The following TCEA1 variants were observed in gnomAD, a reference collection of about 807,000 sequenced individuals.
TCEA1 encodes transcription elongation factor A protein 1.
Under a neutral mutation model 43.8 loss-of-function variants are expected in TCEA1, and 21 were observed. That is an observed-to-expected ratio of 0.48 (90% CI 0.34 to 0.69). TCEA1 has a LOEUF of 0.69. TCEA1 is among the 30% of genes least tolerant of loss of function. The pLI is 0.01. For missense variants in TCEA1, 250 were observed against 365.1 expected (o/e 0.68, Z 2.57); for synonymous variants, 104 against 117.5 (o/e 0.88, Z 0.75).
chr8:53,994,434 A>G (rs769515985), intron 3 of TCEA1, among the ~76,000 whole-genome samples: 3 of 152,256 alleles, frequency 2.0e-5, no homozygotes, highest in Admixed American at 1.3e-4. Context: ...TTAAGGTGGT[A>G]TCCAAAATAT....
chr8:54,009,177 AAC>A (rs1419487662), intron 2 of TCEA1, among the ~76,000 whole-genome samples: 1 of 152,102 alleles, frequency 6.6e-6, no homozygotes, highest in Non-Finnish European at 1.5e-5. Context: ...AAAAAAAAAA[AAC>A]AGATGCTGGT....
intron 2 of TCEA1, among the ~76,000 whole-genome samples, chr8:54,001,689 T>A (rs1804268737): frequency 6.6e-6 from 1 of 152,152 alleles, no homozygotes. Flanking sequence ...AAGGAGATGA[T>A]GAATTGTGTA....
Position 54,022,213 on chromosome 8 carries a change from G to A in TCEA1, c.-88C>T, listed in dbSNP as rs1805068755. On this transcript the variant is annotated 5_prime_UTR_variant, in exon 1 of 10. Coordinates refer to ENST00000521604, the MANE Select transcript of TCEA1 (RefSeq NM_006756.4). ...GGAAGACACAGCAGGAGCGACCCCC[G>A]GCGCGCAGCAACCCCCACCACCGCA... The A allele has an allele frequency of 1.4e-6, 2 of 1,430,166 alleles. No homozygotes were observed. Among genetic ancestry groups the A allele is most frequent in the East Asian group, 2.4e-5 (1 of 41,640 alleles). The allele number at this position is 1,430,166 out of a possible 1,614,324, so 88.6% of individuals were successfully genotyped here. A position where few individuals can be genotyped will look rare whatever the true frequency, so the allele number is the denominator to read the frequency against.
intron 4 of TCEA1, among the ~76,000 whole-genome samples, chr8:53,989,163 T>C (rs973604578): frequency 1.3e-5 from 2 of 152,148 alleles, no homozygotes; most frequent in African/African-American, 4.8e-5. Context: ...TGATGAGTCA[T>C]GAGGCTACAA....
chr8:54,006,894 G>C (rs1239478367), intron 2 of TCEA1, among the ~76,000 whole-genome samples: 1 of 151,688 alleles, frequency 6.6e-6, no homozygotes, highest in Non-Finnish European at 1.5e-5. Flanking sequence ...CTGGGGTGCA[G>C]TGGCGCAATC....
intron 8 of TCEA1, chr8:53,978,707 ACAG>A: frequency 4.7e-6 from 1 of 212,288 alleles, no homozygotes; most frequent in Non-Finnish European, 9.6e-6. Context: ...ACTGTGAGAG[ACAG>A]AAAGACTACA....
chr8:54,012,452 C>G (rs1202755874), intron 1 of TCEA1, among the ~76,000 whole-genome samples: 3 of 152,142 alleles, frequency 2.0e-5, no homozygotes, highest in Non-Finnish European at 4.4e-5. Context: ...CCCAGCTACT[C>G]AGGAGACTGA....
At chr8:53,977,794 C>A (rs957568119) in intron 8 of TCEA1, among the ~76,000 whole-genome samples, 2 of 152,090 alleles carry the variant, frequency 1.3e-5, no homozygotes, top group East Asian at 1.9e-4. Flanking sequence ...CTAGTCATAT[C>A]GTACATAAAT....
At chr8:53,985,371 G>A (rs1803657487) in intron 6 of TCEA1, among the ~76,000 whole-genome samples, 1 of 152,142 alleles carries the variant, frequency 6.6e-6, no homozygotes, top group Non-Finnish European at 1.5e-5. Context: ...AGTCAACAGG[G>A]TTTCAAAAAG....
chr8:53,970,419 G>A lies in TCEA1; in HGVS notation c.870C>T (p.Val290=). The A allele has an allele frequency of 6.2e-6, 10 of 1,610,802 alleles. No individual in the cohort carries two copies. Among genetic ancestry groups the A allele is most frequent in the Non-Finnish European group, 8.5e-6 (10 of 1,177,836 alleles). ...SADEPMTTFV[V]CNECGNRWKF... ...TCCATCGATTTCCACATTCATTACA[G>A]ACAACAAATGTTGTCATTGGTTCAT... Residue 290 remains valine, a synonymous_variant, in exon 9 of 10, where the codon GTC becomes GTT. Coordinates refer to ENST00000521604, the MANE Select transcript of TCEA1 (RefSeq NM_006756.4).
At chr8:54,003,924 T>A (rs1223360587) in intron 2 of TCEA1, among the ~76,000 whole-genome samples, 1 of 150,062 alleles carries the variant, frequency 6.7e-6, no homozygotes, top group South Asian at 2.1e-4. Flanking sequence ...TATAAAGAAC[T>A]ATTACAACTC....
chr8:54,002,011 AAAAAC>A (rs1167653329), intron 2 of TCEA1, among the ~76,000 whole-genome samples: 2 of 136,512 alleles, frequency 1.5e-5, no homozygotes, highest in African/African-American at 7.4e-5. Flanking sequence ...CAAACAAACA[AAAAAC>A]AAATTAGCTG....
chr8:53,970,740 TAATA>T (rs1485827166), intron 8 of TCEA1, among the ~76,000 whole-genome samples: 21 of 152,288 alleles, frequency 1.4e-4, no homozygotes, highest in African/African-American at 4.1e-4. Context: ...TATAAATAGC[TAATA>T]AATATTTTAA....
chr8:53,988,411 A>G (rs1037396022), intron 4 of TCEA1, among the ~76,000 whole-genome samples, 152 bp from the exon 5 acceptor site: 2 of 152,256 alleles, frequency 1.3e-5, no homozygotes, highest in Non-Finnish European at 2.9e-5. Flanking sequence ...AATTGCCTGC[A>G]TACAGATTAA....
At chr8:53,991,378 G>A (rs1489347677) in intron 4 of TCEA1, among the ~76,000 whole-genome samples, 4 of 147,332 alleles carry the variant, frequency 2.7e-5, no homozygotes, top group Non-Finnish European at 6.0e-5. Flanking sequence ...GGGCAACAGA[G>A]CAAGACTCCG....
rs58021302 is a variant in TCEA1 at position 54,022,276 on chromosome 8, CGCG to C, written c.-154_-152del. 1.9e-3 allele frequency: 1,655 copies of C among 870,194 alleles called. No homozygotes were observed. Among genetic ancestry groups the C allele is most frequent in the Non-Finnish European group, 2.0e-3 (1,163 of 580,796 alleles). 53.9% of individuals were successfully genotyped at this position (870,194 alleles called of 1,614,324 possible). ...GGCCCCCTTCCTTACGAACGAAGCC[CGCG>C]GCGGCGGCGGCGGCGGCGGCGGCTC... On this transcript the variant is annotated 5_prime_UTR_variant, in exon 1 of 10. Transcript: ENST00000521604.
In TCEA1 at chr8:53,969,615, C is replaced by T. The variant is rs1803098963; in HGVS notation, c.897+777G>A. Among the ~76,000 whole-genome samples the T allele has an allele frequency of 2.6e-5, 4 of 152,106 alleles. No individual in the cohort carries two copies. The South Asian group carries it at 6.3e-4, about 24-fold the overall frequency. On this transcript the variant is annotated intron_variant, in intron 9 of 9. Coordinates refer to ENST00000521604, the MANE Select transcript of TCEA1 (RefSeq NM_006756.4). Reference sequence around the variant, plus strand: ...ATTATCTCTACTCTTCATCACAATCCGAAATGTAGGTACTATTTACATTTA... The same window carrying T: ...ATTATCTCTACTCTTCATCACAATCTGAAATGTAGGTACTATTTACATTTA...
chr8:54,003,833 G>A (rs1338377317), intron 2 of TCEA1, among the ~76,000 whole-genome samples: 1 of 150,698 alleles, frequency 6.6e-6, no homozygotes, highest in Non-Finnish European at 1.5e-5. Flanking sequence ...GAACACCATC[G>A]AGAAAGCAAA....
At chr8:54,013,702 A>AC (rs1491401996) in intron 1 of TCEA1, among the ~76,000 whole-genome samples, 1 of 127,764 alleles carries the variant, frequency 7.8e-6, no homozygotes, top group East Asian at 2.1e-4. Flanking sequence ...AAAAAAAAAA[A>AC]CAAAAAACAG....
Sources: gnomAD v4.1 joint callset for allele counts (sites outside exome capture counted in the v4.1 genomes callset) on GRCh38, gnomAD v4.1.1 for gene constraint, MANE v1.5 for transcripts, NCBI Gene and HGNC (gene_info 2026-07-23, HGNC 2026-07-21) for gene names.